The following HFM1 variants were observed in gnomAD, a reference collection of about 807,000 sequenced individuals.
HFM1 encodes the protein probable ATP-dependent DNA helicase HFM1.
A neutral mutation model predicts 192.1 loss-of-function variants in HFM1; 169 were observed. That is an observed-to-expected ratio of 0.88 (90% CI 0.78 to 1.00). The LOEUF is 1.00. Ranked by LOEUF, HFM1 falls within the 50% of genes least tolerant of loss-of-function variation. HFM1 has a pLI of 0.00. For synonymous variants in HFM1, 525 were observed against 537.8 expected, an observed-to-expected ratio of 0.98 and a Z score of 0.33; for missense variants, 1,661 against 1,668.0, an observed-to-expected ratio of 1.00 and a Z score of 0.07.
intron 13 of HFM1, among the ~76,000 whole-genome samples, chr1:91,358,241 G>A (rs909030944): frequency 1.3e-5 from 2 of 151,734 alleles, no homozygotes; most frequent in African/African-American, 2.4e-5. Context: ...CCGAGATCGC[G>A]CCACTGCACT....
chr1:91,352,916 T>C, intron 15 of HFM1, 135 bp downstream of exon 15: 1 of 640,164 alleles, frequency 1.6e-6, no homozygotes, highest in East Asian at 2.8e-5. Flanking sequence ...TCTACATGCA[T>C]AGGTAACCAC....
chr1:91,345,791 T>A (rs547471666), intron 19 of HFM1, among the ~76,000 whole-genome samples: 177 of 152,310 alleles, frequency 1.2e-3, no homozygotes, highest in African/African-American at 4.2e-3. Context: ...ACCCACGGAA[T>A]GGTCCTATCT....
At chr1:91,365,185 T>C (rs1449364500) in intron 13 of HFM1, among the ~76,000 whole-genome samples, 2 of 151,972 alleles carry the variant, frequency 1.3e-5, no homozygotes, top group African/African-American at 4.8e-5. Context: ...ATAGTAGTTA[T>C]CAGAGGCAGG....
At position 91,327,949 on chromosome 1, in the gene HFM1, C is replaced by A. The variant is rs1222925460; in HGVS notation, c.2336-3183G>T. On this transcript the variant is annotated intron_variant, in intron 20 of 38. Coordinates refer to ENST00000370425, the MANE Select transcript of HFM1 (RefSeq NM_001017975.6). ...TAATGGAAACACAACATACCAAAACCAATGGGATACAGCAAAAGTAGTATG... is the reference window on the plus strand; with the variant it reads ...TAATGGAAACACAACATACCAAAACAAATGGGATACAGCAAAAGTAGTATG... 2.0e-5 allele frequency among the ~76,000 whole-genome samples: 3 copies of A among 151,808 alleles called. 1 individual carries two copies. Among genetic ancestry groups the A allele is most frequent in the Admixed American group, 1.3e-4 (2 of 15,262 alleles).
rs557145318 is a variant in HFM1 at position 91,287,017 on chromosome 1, C to T, written c.3392-9955G>A. On this transcript the variant is annotated intron_variant, in intron 30 of 38. Transcript: ENST00000370425. ...CCTGGCTCAGAGGGTCCTACGCCCA[C>T]GGAGTCTCGCTGATTGCTAGCACAG... is the stretch of plus-strand genomic sequence containing the variant. Among the ~76,000 whole-genome samples the T allele has an allele frequency of 1.2e-3, 185 of 150,928 alleles. 1 individual carries two copies. Among genetic ancestry groups the T allele is most frequent in the African/African-American group, 4.0e-3 (166 of 41,088 alleles).
chr1:91,339,991 G>T (rs1189600478), intron 20 of HFM1, among the ~76,000 whole-genome samples: 2 of 152,114 alleles, frequency 1.3e-5, no homozygotes, highest in East Asian at 3.9e-4. Context: ...CTACACGCCA[G>T]AAGAGTTTGG....
chr1:91,352,213 C>T (rs1046692371), intron 16 of HFM1, among the ~76,000 whole-genome samples: 6 of 149,910 alleles, frequency 4.0e-5, no homozygotes, highest in Non-Finnish European at 6.0e-5. Context: ...GCTAAGAGTA[C>T]CCCCATTCAG....
At chr1:91,298,894 A>G (rs199798460) in intron 30 of HFM1, among the ~76,000 whole-genome samples, 3 of 152,212 alleles carry the variant, frequency 2.0e-5, no homozygotes, top group Admixed American at 6.5e-5. Flanking sequence ...TGAGCAAAAT[A>G]ACCAGCTAAC....
At chr1:91,308,024 G>A (rs1214782532) in intron 30 of HFM1, among the ~76,000 whole-genome samples, 1 of 152,132 alleles carries the variant, frequency 6.6e-6, no homozygotes, top group Admixed American at 6.6e-5. Context: ...TAAATGATGT[G>A]TCTAATTTTA....
At chr1:91,313,577 CT>C in intron 29 of HFM1, 82 bp from the exon 30 acceptor site, 1 of 965,082 alleles carries the variant, frequency 1.0e-6, no homozygotes, top group Non-Finnish European at 1.5e-6. Context: ...TTTTATCTCT[CT>C]TACATTTTTA....
chr1:91,309,982 G>A (rs1405165895), intron 30 of HFM1, among the ~76,000 whole-genome samples: 1 of 151,722 alleles, frequency 6.6e-6, no homozygotes, highest in Non-Finnish European at 1.5e-5. Flanking sequence ...TGGGACTGAA[G>A]CTGGAGATAT....
rs759990441 is a variant in HFM1, at chr1:91,356,925, CA to C, written c.1686-3627del. On this transcript the variant is annotated intron_variant, in intron 13 of 38. Transcript: ENST00000370425. ...ATCAGGAAGAAATAGAAAGCTTAAACAGACCAATAACACATAATGAGATTGA... is the reference window on the plus strand; with the variant it reads ...ATCAGGAAGAAATAGAAAGCTTAAACGACCAATAACACATAATGAGATTGA... 4.6e-5 allele frequency among the ~76,000 whole-genome samples: 7 copies of C among 152,150 alleles called. No individual in the cohort carries two copies. In the East Asian group the frequency reaches 7.7e-4, roughly 17 times the overall value.
At chr1:91,263,576 C>T (rs955684216) in intron 36 of HFM1, among the ~76,000 whole-genome samples, 2 of 151,542 alleles carry the variant, frequency 1.3e-5, no homozygotes, top group Admixed American at 1.3e-4. Flanking sequence ...ACCCCCATCT[C>T]TAGAAAAAAA....
chr1:91,269,626 G>C (rs1351909185), intron 34 of HFM1, among the ~76,000 whole-genome samples: 1 of 152,160 alleles, frequency 6.6e-6, no homozygotes, highest in Non-Finnish European at 1.5e-5. Flanking sequence ...ATGGAAGTTT[G>C]TACAGAGTGC....
At chr1:91,267,315 T>G (rs1665858109) in intron 35 of HFM1, among the ~76,000 whole-genome samples, 1 of 152,196 alleles carries the variant, frequency 6.6e-6, no homozygotes, top group African/African-American at 2.4e-5. Context: ...AAGTCCATAT[T>G]TCAACTAGAA....
chr1:91,271,476 T>G lies in HFM1; in HGVS notation c.3772+2236A>C, dbSNP rs1436980017. Among the ~76,000 whole-genome samples, 4 of 152,030 alleles carry G rather than the reference T, an allele frequency of 2.6e-5. No individual in the cohort carries two copies. In the South Asian group the frequency reaches 8.3e-4, roughly 32 times the overall value. Reference sequence around the variant, plus strand: ...TTTATCATTTATAATAAAAAAGTCATGACCAGAAGCTGAAGAAGGAAGAGA... The same window carrying G: ...TTTATCATTTATAATAAAAAAGTCAGGACCAGAAGCTGAAGAAGGAAGAGA... On this transcript the variant is annotated intron_variant, in intron 34 of 38. Transcript: ENST00000370425.
intron 30 of HFM1, among the ~76,000 whole-genome samples, chr1:91,298,028 TA>T (rs1335732887): frequency 1.3e-5 from 2 of 152,018 alleles, no homozygotes; most frequent in African/African-American, 4.8e-5. Context: ...GCAAAGAAGT[TA>T]AAAACCTTGA....
chr1:91,334,258 C>T (rs1654250603), intron 20 of HFM1, among the ~76,000 whole-genome samples: 1 of 152,076 alleles, frequency 6.6e-6, no homozygotes. Context: ...GTTACGTGAC[C>T]AGTTTCTTAA....
At chr1:91,288,317 G>A (rs1392395368) in intron 30 of HFM1, among the ~76,000 whole-genome samples, 6 of 151,296 alleles carry the variant, frequency 4.0e-5, no homozygotes, top group Non-Finnish European at 8.8e-5. Flanking sequence ...CAGATCTCCC[G>A]GCAGAAACTC....
Sources: gnomAD v4.1 joint callset for allele counts (sites outside exome capture counted in the v4.1 genomes callset) on GRCh38, gnomAD v4.1.1 for gene constraint, MANE v1.5 for transcripts, NCBI Gene and HGNC (gene_info 2026-07-23, HGNC 2026-07-21) for gene names.